REV1: variants seen among roughly 807,000 people sequenced by gnomAD.
The protein encoded by REV1 is REV1 DNA directed polymerase, also known as translesion synthesis protein REV1.
Under a neutral mutation model 137.4 loss-of-function variants are expected in REV1, and 42 were observed. That is an observed-to-expected ratio of 0.31 (90% CI 0.24 to 0.40). The LOEUF (loss-of-function observed/expected upper bound fraction) is 0.40. Ranked by LOEUF, REV1 falls within the 10% of genes least tolerant of loss-of-function variation. The pLI is 1.00. For missense variants in REV1, 1,282 were observed against 1,490.1 expected, an observed-to-expected ratio of 0.86 and a Z score of 2.30; for synonymous variants, 524 against 519.2, an observed-to-expected ratio of 1.01 and a Z score of -0.12.
Position 99,439,137 on chromosome 2 carries a change from T to C in REV1, c.677A>G (p.Asn226Ser). The change falls in exon 6 of 23, where the codon AAT becomes AGT. Residue 226 changes from asparagine (N) to serine (S), a missense_variant. Transcript: ENST00000258428. The stretch of plus-strand genomic sequence containing the variant: ...ACCATTAGAGCTAGGAGTGTGTCCA[T>C]TAAAAATGGCAGTGCTCCCTCTGGG... ...PHPRGSTAIFNGHTPSSNGAL... is the reference protein window; with the variant it reads ...PHPRGSTAIFSGHTPSSNGAL... The C allele has an allele frequency of 6.2e-7, 1 of 1,614,176 alleles. No individual in the cohort carries two copies. The highest frequency in any genetic ancestry group is 1.3e-5 in the African/African-American group (1 of 75,048).
intron 1 of REV1, among the ~76,000 whole-genome samples, chr2:99,476,882 CG>C (rs1337113116): frequency 1.3e-5 from 2 of 152,208 alleles, no homozygotes. Flanking sequence ...CTGGAAGTTT[CG>C]TAAGTGGACT....
chr2:99,478,159 C>T (rs1228173537), intron 1 of REV1, among the ~76,000 whole-genome samples: 1 of 152,130 alleles, frequency 6.6e-6, no homozygotes, highest in Non-Finnish European at 1.5e-5. Flanking sequence ...TCACTTAAAC[C>T]CGGGAGGCAG....
At chr2:99,482,517 CTG>C (rs1686713816) in intron 1 of REV1, among the ~76,000 whole-genome samples, 1 of 152,186 alleles carries the variant, frequency 6.6e-6, no homozygotes, top group African/African-American at 2.4e-5. Context: ...GTCTTGCAGA[CTG>C]TACCCTTAAC....
chr2:99,465,303 A>G (rs1684672369), intron 1 of REV1, among the ~76,000 whole-genome samples: 2 of 152,224 alleles, frequency 1.3e-5, no homozygotes, highest in South Asian at 4.1e-4. Context: ...TAACATGGCC[A>G]TGCTTACTTT....
intron 1 of REV1, among the ~76,000 whole-genome samples, chr2:99,484,776 T>C (rs1459628031): frequency 6.6e-6 from 1 of 152,090 alleles, no homozygotes; most frequent in Non-Finnish European, 1.5e-5. Flanking sequence ...TGAGATAAAT[T>C]TAACGGCAAG....
At chr2:99,466,818 A>T (rs1684860222) in intron 1 of REV1, among the ~76,000 whole-genome samples, 1 of 152,172 alleles carries the variant, frequency 6.6e-6, no homozygotes, top group Non-Finnish European at 1.5e-5. Context: ...GAGGAGCATG[A>T]ATACCCAATG....
chr2:99,407,629 TG>T (rs1676523407), intron 15 of REV1, among the ~76,000 whole-genome samples: 1 of 152,036 alleles, frequency 6.6e-6, no homozygotes, highest in South Asian at 2.1e-4. Flanking sequence ...CATCTTGATG[TG>T]CCTGTGGTTT....
At chr2:99,431,212 A>T (rs1404117707) in intron 8 of REV1, among the ~76,000 whole-genome samples, 1 of 152,232 alleles carries the variant, frequency 6.6e-6, no homozygotes, top group Non-Finnish European at 1.5e-5. Context: ...ATATATACAC[A>T]GCATAAATGC....
chr2:99,422,768 C>T (rs1380536631), intron 10 of REV1, among the ~76,000 whole-genome samples: 1 of 152,126 alleles, frequency 6.6e-6, no homozygotes, highest in Non-Finnish European at 1.5e-5. Context: ...GGACCGTGTG[C>T]ATGTGACTGT....
intron 1 of REV1, among the ~76,000 whole-genome samples, chr2:99,480,369 A>G (rs1282490877): frequency 2.0e-5 from 3 of 152,228 alleles, no homozygotes; most frequent in Admixed American, 2.0e-4. Flanking sequence ...AGAACTTACC[A>G]GTATGTAGGA....
At chr2:99,463,831 C>T (rs1684508464) in intron 2 of REV1, among the ~76,000 whole-genome samples, 1 of 152,058 alleles carries the variant, frequency 6.6e-6, no homozygotes, top group Non-Finnish European at 1.5e-5. Flanking sequence ...ACCATGTTGG[C>T]CAGGATGGTT....
intron 3 of REV1, among the ~76,000 whole-genome samples, chr2:99,460,946 T>C (rs1275347671): frequency 6.6e-6 from 1 of 152,228 alleles, no homozygotes; most frequent in East Asian, 1.9e-4. Flanking sequence ...AGAATCTCTT[T>C]TTCTTCCTCC....
In REV1 at chr2:99,401,075, C is replaced by A. The variant is rs770255934; in HGVS notation, c.*166G>T. On this transcript the variant is annotated 3_prime_UTR_variant, in exon 23 of 23. Coordinates refer to ENST00000258428, the MANE Select transcript of REV1 (RefSeq NM_016316.4). ...AATAATTAACACAATTATTTACATGCAATACTGACAAATTTGGCACTTTTT... is the reference window on the plus strand; with the variant it reads ...AATAATTAACACAATTATTTACATGAAATACTGACAAATTTGGCACTTTTT... 1 of 480,838 alleles carries A rather than the reference C, an allele frequency of 2.1e-6. No homozygotes were observed. Among genetic ancestry groups the A allele is most frequent in the Non-Finnish European group, 3.7e-6 (1 of 267,166 alleles). The allele number at this position is 480,838 out of a possible 1,614,324, so 29.8% of individuals were successfully genotyped here.
At chr2:99,428,387 G>C (rs1174155534) in intron 9 of REV1, among the ~76,000 whole-genome samples, 1 of 152,128 alleles carries the variant, frequency 6.6e-6, no homozygotes, top group Non-Finnish European at 1.5e-5. Flanking sequence ...ATTTGTATTT[G>C]ACTTAATTAT....
At chr2:99,475,404 C>T (rs964763043) in intron 1 of REV1, among the ~76,000 whole-genome samples, 2 of 152,202 alleles carry the variant, frequency 1.3e-5, no homozygotes, top group African/African-American at 4.8e-5. Flanking sequence ...CTAATGCTTG[C>T]TTGGACCAGT....
At chr2:99,434,798 A>C (rs562357765) in intron 7 of REV1, among the ~76,000 whole-genome samples, 1 of 152,132 alleles carries the variant, frequency 6.6e-6, no homozygotes, top group Admixed American at 6.6e-5. Context: ...GGAAAGAAAA[A>C]CTAAATTTTT....
At chr2:99,426,208 A>G (rs1679341320) in intron 9 of REV1, among the ~76,000 whole-genome samples, 1 of 136,230 alleles carries the variant, frequency 7.3e-6, no homozygotes, top group South Asian at 2.4e-4. Context: ...TTAGCCGGGC[A>G]TGGTGGCACA....
At chr2:99,454,550 C>CAAAAAAAAAAAAAAAAAAAA (rs373850478) in intron 3 of REV1, among the ~76,000 whole-genome samples, 3 of 82,368 alleles carry the variant, frequency 3.6e-5, no homozygotes, top group African/African-American at 9.9e-5. Flanking sequence ...AACTCCAGCT[C>CAAAAAAAAAAAAAAAAAAAA]AAAAAAAAAA....
At chr2:99,485,874 G>GGGAGGATGAGGCA (rs59123260) in intron 1 of REV1, among the ~76,000 whole-genome samples, 2 of 151,872 alleles carry the variant, frequency 1.3e-5, no homozygotes, top group Non-Finnish European at 2.9e-5. Context: ...CCACCATTTT[G>GGGAGGATGAGGCA]GGAGGATGAG....
Sources: allele counts gnomAD v4.1 joint callset (sites outside exome capture counted in the v4.1 genomes callset), GRCh38; gene constraint gnomAD v4.1.1; transcripts MANE v1.5; gene names NCBI Gene and HGNC (gene_info 2026-07-23, HGNC 2026-07-21).